Variants in MAL observed in about 807,000 individuals in gnomAD.
MAL encodes myelin and lymphocyte protein.
A neutral mutation model predicts 16.7 loss-of-function variants in MAL; 5 were observed. The observed-to-expected ratio is 0.30, with a 90% CI of 0.16 to 0.63. The LOEUF is 0.63. MAL is among the 30% of genes least tolerant of loss of function. The probability of loss-of-function intolerance (pLI) is 0.82; values close to 1 mark genes in which losing one functional copy is unlikely to be tolerated. For missense variants in MAL, 202 were observed against 195.8 expected (o/e 1.03, Z -0.19); for synonymous variants, 96 against 85.5 (o/e 1.12, Z -0.67).
chr2:95,038,533 T>G (rs1674323135), intron 1 of MAL, among the ~76,000 whole-genome samples: 2 of 150,392 alleles, frequency 1.3e-5, no homozygotes, highest in Admixed American at 1.3e-4. Context: ...AGTGACTGAG[T>G]GAGTGACTGA....
chr2:95,039,315 A>C (rs1355257852), intron 1 of MAL, among the ~76,000 whole-genome samples: 2 of 150,470 alleles, frequency 1.3e-5, no homozygotes, highest in Non-Finnish European at 3.0e-5. Context: ...TGGGTGAGTG[A>C]GTGAGTGAGT....
intron 1 of MAL, among the ~76,000 whole-genome samples, chr2:95,032,806 G>A (rs1172663746): frequency 3.3e-5 from 5 of 152,148 alleles, no homozygotes; most frequent in Admixed American, 2.0e-4. Flanking sequence ...GGTCATGAAC[G>A]TGCCACACTC....
At chr2:95,041,507 C>T (rs1674466186) in intron 1 of MAL, among the ~76,000 whole-genome samples, 1 of 152,206 alleles carries the variant, frequency 6.6e-6, no homozygotes, top group African/African-American at 2.4e-5. Flanking sequence ...CATCTAATGA[C>T]AGTTGTGACA....
chr2:95,041,735 C>G (rs1217474655), intron 1 of MAL, among the ~76,000 whole-genome samples: 1 of 152,138 alleles, frequency 6.6e-6, no homozygotes, highest in Non-Finnish European at 1.5e-5. Context: ...TGGCTGCCTC[C>G]CATGATTAAT....
rs1012135719 is a variant in MAL, at chr2:95,053,641, C to G, written c.*186C>G. On this transcript the variant is annotated 3_prime_UTR_variant, in exon 4 of 4. Transcript: ENST00000309988. ...GGTGCTGTGTTTACTCTCCCGTGTGCCTTCGCGTCCGGGTTGGGAGCTTGC... is the reference window on the plus strand; with the variant it reads ...GGTGCTGTGTTTACTCTCCCGTGTGGCTTCGCGTCCGGGTTGGGAGCTTGC... 5.1e-6 allele frequency: 3 copies of G among 592,362 alleles called. No homozygotes were observed. The highest frequency in any genetic ancestry group is 9.0e-6 in the Non-Finnish European group (3 of 334,614). The allele number at this position is 592,362 out of a possible 1,614,324, so 36.7% of individuals were successfully genotyped here.
At chr2:95,047,216 G>A (rs1674611540) in intron 1 of MAL, among the ~76,000 whole-genome samples, 1 of 152,172 alleles carries the variant, frequency 6.6e-6, no homozygotes, top group South Asian at 2.1e-4. Context: ...CTCTTCTCAT[G>A]ACAATACCAA....
chr2:95,028,237 C>T (rs554502142), intron 1 of MAL, among the ~76,000 whole-genome samples: 37 of 151,034 alleles, frequency 2.4e-4, no homozygotes, highest in Non-Finnish European at 5.2e-4. Flanking sequence ...GCATGAGCAT[C>T]GCTTGAACCT....
At chr2:95,033,256 A>G (rs1674131090) in intron 1 of MAL, among the ~76,000 whole-genome samples, 2 of 152,214 alleles carry the variant, frequency 1.3e-5, no homozygotes, top group African/African-American at 4.8e-5. Flanking sequence ...TGGGGTCTGC[A>G]TGGCAGCCCC....
chr2:95,048,639 C>A (rs1482521312), intron 2 of MAL, among the ~76,000 whole-genome samples: 3 of 152,208 alleles, frequency 2.0e-5, no homozygotes, highest in Non-Finnish European at 4.4e-5. Flanking sequence ...ATAAATTCTG[C>A]TTTGAGACCC....
chr2:95,034,917 C>T (rs1253103390), intron 1 of MAL, among the ~76,000 whole-genome samples: 2 of 152,194 alleles, frequency 1.3e-5, no homozygotes, highest in Admixed American at 6.5e-5. Context: ...CTCGTGCCTA[C>T]ACCCTAAGTC....
chr2:95,048,222 C>A (rs1306858167), intron 2 of MAL, 96 bp downstream of exon 2: 4 of 1,270,584 alleles, frequency 3.1e-6, no homozygotes, highest in Non-Finnish European at 4.5e-6. Flanking sequence ...CCAGGTGAGA[C>A]TTCTCCGTAG....
At chr2:95,039,865 C>A (rs567453813) in intron 1 of MAL, among the ~76,000 whole-genome samples, 1 of 152,112 alleles carries the variant, frequency 6.6e-6, no homozygotes, top group Non-Finnish European at 1.5e-5. Flanking sequence ...AACGGTGTTA[C>A]TCCTTGCCTC....
At chr2:95,030,130 G>A (rs1385797362) in intron 1 of MAL, among the ~76,000 whole-genome samples, 2 of 152,118 alleles carry the variant, frequency 1.3e-5, no homozygotes, top group Non-Finnish European at 2.9e-5. Flanking sequence ...TCAGGGTGGG[G>A]CATAGCAACC....
At chr2:95,048,539 G>A (rs1412587093) in intron 2 of MAL, among the ~76,000 whole-genome samples, 1 of 152,204 alleles carries the variant, frequency 6.6e-6, no homozygotes, top group Admixed American at 6.5e-5. Context: ...GTCAGGCCAT[G>A]CTTACTGTCC....
chr2:95,042,889 G>A (rs1229172319), intron 1 of MAL, among the ~76,000 whole-genome samples: 2 of 152,276 alleles, frequency 1.3e-5, no homozygotes, highest in African/African-American at 2.4e-5. Context: ...TTAACTCCCT[G>A]GTGTGGGTGC....
chr2:95,037,660 G>C (rs115188351), intron 1 of MAL, among the ~76,000 whole-genome samples: 110 of 151,076 alleles, frequency 7.3e-4, no homozygotes, highest in African/African-American at 2.3e-3. Flanking sequence ...GAGTGAGTGA[G>C]TGACTGACTG....
At position 95,045,582 on chromosome 2, in the gene MAL, G is replaced by A. The variant is rs547774028; in HGVS notation, c.94-2377G>A. On this transcript the variant is annotated intron_variant, in intron 1 of 3. Coordinates refer to ENST00000309988, the MANE Select transcript of MAL (RefSeq NM_002371.4). The stretch of plus-strand genomic sequence containing the variant: ...CTGAGTGCTACAGAGAAGACGTGCA[G>A]GACTCCCTGAGACTGTGTGAACGAG... Among the ~76,000 whole-genome samples, 6 of 152,326 alleles carry A rather than the reference G, an allele frequency of 3.9e-5. No individual in the cohort carries two copies. In the East Asian group the frequency reaches 1.2e-3, roughly 29 times the overall value.
chr2:95,047,964 C>T lies in MAL; in HGVS notation c.99C>T (p.Phe33=), dbSNP rs765007780. The T allele has an allele frequency of 1.2e-5, 19 of 1,613,218 alleles. No individual in the cohort carries two copies. The highest frequency in any genetic ancestry group is 1.6e-4 in the Middle Eastern group (1 of 6,080). ...CCCCTCCTCCTCCCCCGCAGATCTT[C>T]GGGGGCCTGGTGTGGATCCTGGTGG... The part of the protein sequence containing the change: ...PDLLFIFEFI[F]GGLVWILVAS... The change falls in exon 2 of 4, where the codon TTC becomes TTT. Residue 33 remains phenylalanine (F), a synonymous_variant. Coordinates refer to ENST00000309988, the MANE Select transcript of MAL (RefSeq NM_002371.4).
At chr2:95,033,638 C>T (rs1674139095) in intron 1 of MAL, among the ~76,000 whole-genome samples, 1 of 152,074 alleles carries the variant, frequency 6.6e-6, no homozygotes, top group Non-Finnish European at 1.5e-5. Flanking sequence ...AATTAGCCAA[C>T]TATGATGGCT....
Sources: allele counts gnomAD v4.1 joint callset (sites outside exome capture counted in the v4.1 genomes callset), GRCh38; gene constraint gnomAD v4.1.1; transcripts MANE v1.5; gene names NCBI Gene and HGNC (gene_info 2026-07-23, HGNC 2026-07-21).